The following MGAT4C variants were observed in gnomAD, a reference collection of about 807,000 sequenced individuals.
The protein encoded by MGAT4C is alpha-1,3-mannosyl-glycoprotein 4-beta-N-acetylglucosaminyltransferase C.
A neutral mutation model predicts 40.1 loss-of-function variants in MGAT4C; 19 were observed. That is an observed-to-expected ratio of 0.47 (90% confidence interval 0.33 to 0.70). MGAT4C has a LOEUF of 0.70. Among genes scored for constraint, MGAT4C ranks in the 30% least tolerant of loss-of-function variants. The pLI is 0.02. For synonymous variants in MGAT4C, 181 were observed against 187.1 expected (o/e 0.97, Z 0.27); for missense variants, 491 against 563.2 (o/e 0.87, Z 1.30).
At chr12:86,340,733 TG>T (rs1423210116) in intron 3 of MGAT4C, among the ~76,000 whole-genome samples, 1 of 151,928 alleles carries the variant, frequency 6.6e-6, no homozygotes, top group Non-Finnish European at 1.5e-5. Context: ...TACTGTGGCT[TG>T]GAACTAGAAG....
At chr12:86,805,487 T>G (rs1380415965) in intron 1 of MGAT4C, among the ~76,000 whole-genome samples, 1 of 151,950 alleles carries the variant, frequency 6.6e-6, no homozygotes, top group Non-Finnish European at 1.5e-5. Flanking sequence ...TATTTCTGCG[T>G]AAATTTGCTT....
chr12:86,262,517 C>G (rs941723475), intron 4 of MGAT4C, among the ~76,000 whole-genome samples: 2 of 151,292 alleles, frequency 1.3e-5, no homozygotes, highest in Non-Finnish European at 2.9e-5. Context: ...TGATAGCTCT[C>G]TTTTGTTGCA....
intron 1 of MGAT4C, among the ~76,000 whole-genome samples, chr12:86,786,424 T>A (rs2136188649): frequency 6.6e-6 from 1 of 152,226 alleles, no homozygotes; most frequent in Middle Eastern, 3.4e-3. Context: ...AAAATATTTT[T>A]TCTTTTTTTT....
intron 2 of MGAT4C, among the ~76,000 whole-genome samples, chr12:86,612,253 C>T (rs1962307011): frequency 1.3e-5 from 2 of 151,734 alleles, no homozygotes; most frequent in South Asian, 2.1e-4. Flanking sequence ...GTGAATGATC[C>T]CCATATACTT....
intron 1 of MGAT4C, among the ~76,000 whole-genome samples, chr12:86,168,973 A>T: frequency 6.6e-6 from 1 of 152,102 alleles, no homozygotes; most frequent in Admixed American, 6.6e-5. Context: ...CGCTTTGTGT[A>T]CTTTTTAAAA....
chr12:86,482,379 G>T (rs1475720302), intron 2 of MGAT4C, among the ~76,000 whole-genome samples: 1 of 152,010 alleles, frequency 6.6e-6, no homozygotes, highest in Non-Finnish European at 1.5e-5. Context: ...ATTCTCAGCA[G>T]ATTGACATAG....
chr12:86,454,502 C>T (rs1957479254), intron 2 of MGAT4C, among the ~76,000 whole-genome samples: 1 of 152,038 alleles, frequency 6.6e-6, no homozygotes. Flanking sequence ...GCTGAGATTA[C>T]AAGCATGAGT....
intron 2 of MGAT4C, among the ~76,000 whole-genome samples, chr12:86,006,203 C>G (rs1438901700): frequency 1.3e-5 from 2 of 152,168 alleles, no homozygotes; most frequent in African/African-American, 2.4e-5. Flanking sequence ...TGAAAACATT[C>G]AACCTGCAAA....
chr12:86,698,048 T>C (rs764368050), intron 2 of MGAT4C, among the ~76,000 whole-genome samples: 2 of 152,080 alleles, frequency 1.3e-5, no homozygotes, highest in Non-Finnish European at 2.9e-5. Context: ...GTGGCAATAA[T>C]GCGAAAAATA....
chr12:86,402,437 T>A (rs185964627), intron 3 of MGAT4C, among the ~76,000 whole-genome samples: 164 of 151,972 alleles, frequency 1.1e-3, no homozygotes, highest in Middle Eastern at 0.01. Context: ...TCAAAAAAAA[T>A]AATAATAATA....
At chr12:86,651,395 C>A (rs1359717200) in intron 2 of MGAT4C, among the ~76,000 whole-genome samples, 1 of 151,758 alleles carries the variant, frequency 6.6e-6, no homozygotes, top group Non-Finnish European at 1.5e-5. Context: ...TAAAATCCAA[C>A]AATTTAAGTT....
At chr12:86,773,501 G>C (rs919207932) in intron 1 of MGAT4C, among the ~76,000 whole-genome samples, 2 of 152,012 alleles carry the variant, frequency 1.3e-5, no homozygotes, top group African/African-American at 4.8e-5. Context: ...AACTAATATA[G>C]AAGGCAACCA....
At chr12:86,574,543 AG>A (rs1325769205) in intron 2 of MGAT4C, among the ~76,000 whole-genome samples, 5 of 151,706 alleles carry the variant, frequency 3.3e-5, no homozygotes, top group African/African-American at 1.2e-4. Context: ...TCTTCTCTTG[AG>A]CATGTTAAAA....
At chr12:86,736,014 G>T (rs1035616215) in intron 1 of MGAT4C, among the ~76,000 whole-genome samples, 1 of 151,710 alleles carries the variant, frequency 6.6e-6, no homozygotes, top group Non-Finnish European at 1.5e-5. Context: ...TCTATAAAAA[G>T]CCTCTCTCTG....
rs559624516 is a variant in MGAT4C at position 86,444,560 on chromosome 12, G to A, written c.-228-9295C>T. 2.6e-5 allele frequency among the ~76,000 whole-genome samples: 4 copies of A among 152,126 alleles called. No individual in the cohort carries two copies. In the East Asian group the frequency reaches 7.7e-4, roughly 29 times the overall value. Reference sequence around the variant, plus strand: ...AACAAGGATTTTAAAATTCAAACACGGCAAAATAGAACAATTGACTCTACC... The same window carrying A: ...AACAAGGATTTTAAAATTCAAACACAGCAAAATAGAACAATTGACTCTACC... On this transcript the variant is annotated intron_variant, in intron 2 of 7. Coordinates refer to the MGAT4C transcript ENST00000548651.
chr12:86,311,179 C>T (rs1954064060), intron 4 of MGAT4C, among the ~76,000 whole-genome samples: 1 of 152,106 alleles, frequency 6.6e-6, no homozygotes, highest in African/African-American at 2.4e-5. Context: ...CTATAGTGTA[C>T]CTACACAAAC....
rs553014646 is a variant in MGAT4C at position 86,575,675 on chromosome 12, C to G, written c.-228-140410G>C. Among the ~76,000 whole-genome samples the G allele has an allele frequency of 2.6e-5, 4 of 151,878 alleles. No homozygotes were observed. In the East Asian group the frequency reaches 7.8e-4, roughly 30 times the overall value. ...ACAGTGCTACAACAAACACAAGAGT[C>G]CAGGTATCTCATTGATATGCTGATT... On this transcript the variant is annotated intron_variant, in intron 2 of 7. Coordinates refer to the MGAT4C transcript ENST00000548651.
At chr12:86,802,705 A>G (rs1952256112) in intron 1 of MGAT4C, among the ~76,000 whole-genome samples, 2 of 147,694 alleles carry the variant, frequency 1.4e-5, no homozygotes, top group African/African-American at 5.0e-5. Context: ...TCCAACTTAC[A>G]AGGGATGTGA....
chr12:85,987,430 C>A (rs1396319555), intron 3 of MGAT4C, among the ~76,000 whole-genome samples: 1 of 152,074 alleles, frequency 6.6e-6, no homozygotes, highest in Non-Finnish European at 1.5e-5. Flanking sequence ...AGCCACCGCG[C>A]CCGGCCAATA....
Sources: allele counts gnomAD v4.1 joint callset (sites outside exome capture counted in the v4.1 genomes callset), GRCh38; gene constraint gnomAD v4.1.1; transcripts MANE v1.5; gene names NCBI Gene and HGNC (gene_info 2026-07-23, HGNC 2026-07-21).